TESPA1: variants seen among roughly 807,000 people sequenced by gnomAD.
The protein encoded by TESPA1 is thymocyte expressed, positive selection associated 1, also known as protein TESPA1.
TESPA1 carries 33 observed loss-of-function variants against 57.9 expected under a neutral mutation model. The observed-to-expected ratio is 0.57, with a 90% CI of 0.43 to 0.76. The LOEUF (loss-of-function observed/expected upper bound fraction) is 0.76. Among genes scored for constraint, TESPA1 ranks in the 30% least tolerant of loss-of-function variants. The pLI, the probability that TESPA1 is intolerant of heterozygous loss-of-function variation, is 0.00. For missense variants in TESPA1, 618 were observed against 632.9 expected, an observed-to-expected ratio of 0.98 and a Z score of 0.25; for synonymous variants, 227 against 228.9, an observed-to-expected ratio of 0.99 and a Z score of 0.07.
Position 54,967,152 on chromosome 12 carries a change from C to T in TESPA1, c.310+31G>A, listed in dbSNP as rs909162500. 3.1e-6 allele frequency: 5 copies of T among 1,612,070 alleles called. No individual in the cohort carries two copies. In the Admixed American group the frequency reaches 6.7e-5, roughly 22 times the overall value. On this transcript the variant is annotated intron_variant, in intron 5 of 10. Coordinates refer to ENST00000449076, the MANE Select transcript of TESPA1 (RefSeq NM_001136030.3). ...TCATACAATGTATATCCTGTTTTCT[C>T]ATCCCAACCTCAGAGAACTGTGCCA...
At position 54,964,321 on chromosome 12, in the gene TESPA1, C is replaced by T. The variant is rs1020048968; in HGVS notation, c.447-371G>A. Among the ~76,000 whole-genome samples, 11 of 152,330 alleles carry T rather than the reference C, an allele frequency of 7.2e-5. No individual in the cohort carries two copies. In the Middle Eastern group the frequency reaches 0.014, roughly 188 times the overall value. The stretch of plus-strand genomic sequence containing the variant: ...CTCAGTTCCCAAATTTGCCATCCGA[C>T]TTGCCCCAGTGGTTGTTGCGTGGGA... On this transcript the variant is annotated intron_variant, in intron 7 of 10. Coordinates refer to ENST00000449076, the MANE Select transcript of TESPA1 (RefSeq NM_001136030.3).
intron 3 of TESPA1, among the ~76,000 whole-genome samples, chr12:54,969,648 A>G (rs1401517865): frequency 1.3e-5 from 2 of 152,248 alleles, no homozygotes; most frequent in African/African-American, 4.8e-5. Context: ...AGAATGAGTT[A>G]CTGCTGCATG....
chr12:54,964,047 T>A (rs1374855615), intron 7 of TESPA1, 97 bp from the exon 8 acceptor site: 1 of 1,261,200 alleles, frequency 7.9e-7, no homozygotes, highest in East Asian at 2.3e-5. Flanking sequence ...AAGACTGAAA[T>A]TCTTTTCTGT....
chr12:54,976,498 C>A (rs1224538457), intron 1 of TESPA1, among the ~76,000 whole-genome samples: 2 of 150,192 alleles, frequency 1.3e-5, no homozygotes, highest in African/African-American at 4.9e-5. Flanking sequence ...ACCAGGAAGC[C>A]AGGAGGGCAG....
At chr12:54,968,868 T>C in intron 3 of TESPA1, among the ~76,000 whole-genome samples, 1 of 151,940 alleles carries the variant, frequency 6.6e-6, no homozygotes, top group Admixed American at 6.6e-5. Flanking sequence ...GGAGCTTTTC[T>C]CTTTATCAGT....
Position 54,973,488 on chromosome 12 carries a change from C to T in TESPA1, c.195G>A (p.Leu65=), listed in dbSNP as rs753241432. The change falls in exon 3 of 11, where the codon CTG becomes CTA. Residue 65 remains leucine, a synonymous_variant. Transcript: ENST00000449076. Reference sequence around the variant, plus strand: ...TGTCCAGCACTTACCCGCAATCCTGCAGCCAGTCTTCAATTTTATTGATTG... The same window carrying T: ...TGTCCAGCACTTACCCGCAATCCTGTAGCCAGTCTTCAATTTTATTGATTG... ...GNPINKIEDW[L]QDCGYSEEGF... 2 of 1,613,992 alleles carry T rather than the reference C, an allele frequency of 1.2e-6. No homozygotes were observed. The highest frequency in any genetic ancestry group is 2.2e-5 in the East Asian group (1 of 44,878).
chr12:54,953,842 A>C (rs1340018553), intron 10 of TESPA1, among the ~76,000 whole-genome samples: 2 of 152,160 alleles, frequency 1.3e-5, no homozygotes, highest in Non-Finnish European at 2.9e-5. Flanking sequence ...ATCTTTGCCA[A>C]CACACATCGT....
chr12:54,952,410 T>C (rs976478220), intron 10 of TESPA1, among the ~76,000 whole-genome samples: 2 of 152,258 alleles, frequency 1.3e-5, no homozygotes, highest in Non-Finnish European at 2.9e-5. Context: ...AGATATGAAC[T>C]CATCAGCTTT....
chr12:54,967,377 G>A (rs950776664), intron 4 of TESPA1, 141 bp from the exon 5 acceptor site: 9 of 919,420 alleles, frequency 9.8e-6, no homozygotes, highest in Admixed American at 2.2e-5. Context: ...AGATACCCAC[G>A]TTTGTCAAAT....
chr12:54,966,509 T>C, intron 5 of TESPA1, 85 bp from the exon 6 acceptor site: 4 of 1,490,422 alleles, frequency 2.7e-6, no homozygotes, highest in Non-Finnish European at 2.7e-6. Flanking sequence ...TAAAACTCAG[T>C]CCCCTCTGTT....
At chr12:54,952,012 C>T (rs927480129) in intron 10 of TESPA1, among the ~76,000 whole-genome samples, 4 of 152,034 alleles carry the variant, frequency 2.6e-5, no homozygotes, top group Admixed American at 1.3e-4. Flanking sequence ...AGTTTGCCCT[C>T]CAAAATTCAT....
At chr12:54,983,037 GGTGGAAATAAAC>G (rs2136221490) in intron 1 of TESPA1, among the ~76,000 whole-genome samples, 1 of 152,280 alleles carries the variant, frequency 6.6e-6, no homozygotes, top group South Asian at 2.1e-4. Flanking sequence ...TCAGTTTGCA[GGTGGAAATAAAC>G]GTGTGATCTT....
At chr12:54,981,339 TG>T (rs1952313790) in intron 1 of TESPA1, among the ~76,000 whole-genome samples, 1 of 148,166 alleles carries the variant, frequency 6.7e-6, no homozygotes, top group Non-Finnish European at 1.5e-5. Flanking sequence ...AAAATCAAGA[TG>T]GTGAAAAAGA....
intron 7 of TESPA1, 144 bp downstream of exon 7, chr12:54,965,909 T>C: frequency 1.4e-6 from 1 of 726,032 alleles, no homozygotes. Flanking sequence ...GAAACAAATA[T>C]GGTCACATTT....
chr12:54,978,332 T>A (rs920112567), intron 1 of TESPA1, among the ~76,000 whole-genome samples: 4 of 152,234 alleles, frequency 2.6e-5, no homozygotes, highest in Non-Finnish European at 5.9e-5. Flanking sequence ...GTTAGGCTTT[T>A]TTATTACGGT....
At chr12:54,959,400 G>T (rs936255753) in intron 10 of TESPA1, among the ~76,000 whole-genome samples, 11 of 152,182 alleles carry the variant, frequency 7.2e-5, no homozygotes, top group African/African-American at 2.7e-4. Context: ...TTTCAAAATG[G>T]TTCCTTTCTC....
intron 1 of TESPA1, among the ~76,000 whole-genome samples, chr12:54,983,522 C>T (rs1301030105): frequency 2.6e-5 from 4 of 152,094 alleles, no homozygotes; most frequent in African/African-American, 9.7e-5. Flanking sequence ...CTCCAACCTC[C>T]CATCCTAGGT....
At chr12:54,974,657 T>C (rs4759131) in intron 1 of TESPA1, 50 bp from the exon 2 acceptor site, 317,728 of 1,312,248 alleles carry the variant, frequency 0.24, 47,966 homozygotes, top group East Asian at 0.71. Flanking sequence ...TCAGAAACCA[T>C]CATGATGCTC....
chr12:54,962,426 C>T lies in TESPA1; in HGVS notation c.1467+5G>A, dbSNP rs1951136222. Reference sequence around the variant, plus strand: ...CAGTCTCTCCCTCACCTCCAACCCACTTACCTCCTCCAAGTCAAAAGTGTC... The same window carrying T: ...CAGTCTCTCCCTCACCTCCAACCCATTTACCTCCTCCAAGTCAAAAGTGTC... On this transcript the variant is annotated splice_donor_5th_base_variant and intron_variant, in intron 9 of 10. Transcript: ENST00000449076. The T allele has an allele frequency of 6.2e-7, 1 of 1,608,832 alleles. No individual in the cohort carries two copies. The highest frequency in any genetic ancestry group is 8.5e-7 in the Non-Finnish European group (1 of 1,177,494).
Sources: allele counts gnomAD v4.1 joint callset (sites outside exome capture counted in the v4.1 genomes callset), GRCh38; gene constraint gnomAD v4.1.1; transcripts MANE v1.5; gene names NCBI Gene and HGNC (gene_info 2026-07-23, HGNC 2026-07-21).